The following KCNIP4 variants were observed in gnomAD, a reference collection of about 807,000 sequenced individuals.
KCNIP4 encodes potassium voltage-gated channel interacting protein 4.
KCNIP4 carries 12 observed loss-of-function variants against 34.0 expected under a neutral mutation model. The ratio of observed to expected loss-of-function variants is 0.35; its 90% CI spans 0.23 to 0.57. The LOEUF is 0.57. Ranked by LOEUF, KCNIP4 falls within the 20% of genes least tolerant of loss-of-function variation. The pLI, the probability that KCNIP4 is intolerant of heterozygous loss-of-function variation, is 0.83. For missense variants in KCNIP4, 238 were observed against 311.7 expected, an observed-to-expected ratio of 0.76 and a Z score of 1.78; for synonymous variants, 124 against 102.2, an observed-to-expected ratio of 1.21 and a Z score of -1.29.
intron 1 of KCNIP4, among the ~76,000 whole-genome samples, chr4:20,938,844 T>A (rs1353070111): frequency 6.6e-6 from 1 of 152,212 alleles, no homozygotes; most frequent in East Asian, 1.9e-4. Context: ...CTCTGAAGAC[T>A]CCTGTCCTGA....
At chr4:20,760,447 T>G (rs192181075) in intron 3 of KCNIP4, among the ~76,000 whole-genome samples, 1 of 152,310 alleles carries the variant, frequency 6.6e-6, no homozygotes, top group Non-Finnish European at 1.5e-5. Flanking sequence ...CTTACTTTCT[T>G]TATTCCAGTG....
chr4:21,118,772 G>A (rs1327462868), intron 1 of KCNIP4, among the ~76,000 whole-genome samples: 3 of 151,982 alleles, frequency 2.0e-5, no homozygotes, highest in Admixed American at 6.6e-5. Context: ...CCCTTAAGAT[G>A]TGTGTAGGAA....
intron 3 of KCNIP4, among the ~76,000 whole-genome samples, chr4:20,814,179 A>G (rs1716105165): frequency 6.6e-6 from 1 of 152,198 alleles, no homozygotes. Context: ...GTCCCATCCC[A>G]GGAGAACTGA....
At chr4:21,400,504 C>A (rs1229276512) in intron 1 of KCNIP4, among the ~76,000 whole-genome samples, 2 of 106,564 alleles carry the variant, frequency 1.9e-5, no homozygotes, top group East Asian at 7.4e-4. Context: ...CCTCCCTTCC[C>A]CTCCCTTCCT....
chr4:21,528,753 A>G (rs1736304905), intron 1 of KCNIP4, among the ~76,000 whole-genome samples: 1 of 8,298 alleles, frequency 1.2e-4, no homozygotes, highest in African/African-American at 5.4e-4. Flanking sequence ...GAAAGAAAGA[A>G]AGAAAGAAAG....
At chr4:21,382,228 C>T (rs1347120002) in intron 1 of KCNIP4, among the ~76,000 whole-genome samples, 2 of 152,070 alleles carry the variant, frequency 1.3e-5, no homozygotes, top group Admixed American at 1.3e-4. Context: ...TATGGCAGGC[C>T]ATGAGCCCAG....
intron 1 of KCNIP4, among the ~76,000 whole-genome samples, chr4:21,190,784 T>C (rs1165695643): frequency 2.0e-5 from 3 of 152,214 alleles, no homozygotes; most frequent in Non-Finnish European, 4.4e-5. Context: ...TTACATATTC[T>C]TCCACCTCTC....
chr4:21,871,957 G>T (rs1725847444), intron 1 of KCNIP4, among the ~76,000 whole-genome samples: 1 of 151,766 alleles, frequency 6.6e-6, no homozygotes, highest in Admixed American at 6.6e-5. Context: ...GCACCAATTG[G>T]AATAGTCCTG....
chr4:20,996,350 C>T (rs1190776856), intron 1 of KCNIP4, among the ~76,000 whole-genome samples: 1 of 152,168 alleles, frequency 6.6e-6, no homozygotes, highest in Non-Finnish European at 1.5e-5. Context: ...AATAGCTGTC[C>T]ATTATATTCG....
intron 1 of KCNIP4, among the ~76,000 whole-genome samples, chr4:20,883,525 A>G (rs554635830): frequency 5.9e-5 from 9 of 152,260 alleles, no homozygotes; most frequent in Admixed American, 1.3e-4. Context: ...GTCAGCATCA[A>G]TTTACCCACC....
At chr4:21,052,929 A>T (rs983214573) in intron 1 of KCNIP4, among the ~76,000 whole-genome samples, 1 of 151,976 alleles carries the variant, frequency 6.6e-6, no homozygotes, top group African/African-American at 2.4e-5. Flanking sequence ...TAAGAGAGAG[A>T]CAGAGGGGGA....
intron 1 of KCNIP4, among the ~76,000 whole-genome samples, chr4:20,975,733 T>A (rs1407539691): frequency 6.6e-6 from 1 of 152,194 alleles, no homozygotes. Flanking sequence ...GTTCCCTTTA[T>A]TGCCAACTCT....
chr4:21,873,754 T>G (rs1725939832), intron 1 of KCNIP4, among the ~76,000 whole-genome samples: 3 of 152,208 alleles, frequency 2.0e-5, no homozygotes, highest in African/African-American at 7.2e-5. Flanking sequence ...TGAAGTGAAT[T>G]CTGTAAACAG....
chr4:21,187,310 T>A (rs538025022), intron 1 of KCNIP4, among the ~76,000 whole-genome samples: 1 of 152,244 alleles, frequency 6.6e-6, no homozygotes, highest in African/African-American at 2.4e-5. Flanking sequence ...AGGAAGTTAA[T>A]CATGTGTGAC....
Position 21,935,908 on chromosome 4 carries a change from A to G in KCNIP4, c.61+12663T>C, listed in dbSNP as rs148642550. ...CGCAACTTAACATAGATTTGAGTAC[A>G]TTTTCATAGAAAGATAGTAGAAAAT... On this transcript the variant is annotated intron_variant, in intron 1 of 8. Transcript: ENST00000382152. 5.4e-3 allele frequency among the ~76,000 whole-genome samples: 820 copies of G among 151,950 alleles called. 4 individuals carry two copies. Among genetic ancestry groups the G allele is most frequent in the African/African-American group, 0.019 (790 of 41,456 alleles).
rs542253521 is a variant in KCNIP4, at chr4:21,368,270, G to A, written c.62-485561C>T. Among the ~76,000 whole-genome samples, 8 of 146,504 alleles carry A rather than the reference G, an allele frequency of 5.5e-5. No individual in the cohort carries two copies. In the East Asian group the frequency reaches 1.0e-3, roughly 18 times the overall value. ...CACACACACACACAATAAATATGACGTTAGTTTGACAATACTGACTACACT... is the reference window on the plus strand; with the variant it reads ...CACACACACACACAATAAATATGACATTAGTTTGACAATACTGACTACACT... On this transcript the variant is annotated intron_variant, in intron 1 of 8. Transcript: ENST00000382152.
chr4:20,963,560 T>G (rs1560605254), intron 1 of KCNIP4, among the ~76,000 whole-genome samples: 1 of 150,882 alleles, frequency 6.6e-6, no homozygotes, highest in African/African-American at 2.4e-5. Flanking sequence ...TACTATGGAT[T>G]AAAAAAAAAG....
chr4:20,731,258 T>C (rs1748110459), intron 8 of KCNIP4: 1 of 342,780 alleles, frequency 2.9e-6, no homozygotes, highest in African/African-American at 2.2e-5. Flanking sequence ...TTTGTAGAGA[T>C]AGATAGGGTC....
chr4:21,108,928 C>T (rs1171605516), intron 1 of KCNIP4, among the ~76,000 whole-genome samples: 10 of 152,160 alleles, frequency 6.6e-5, no homozygotes, highest in South Asian at 2.1e-4. Context: ...TCGTGAACCA[C>T]GAATGCTGCT....
Sources: allele counts gnomAD v4.1 joint callset (sites outside exome capture counted in the v4.1 genomes callset), GRCh38; gene constraint gnomAD v4.1.1; transcripts MANE v1.5; gene names NCBI Gene and HGNC (gene_info 2026-07-23, HGNC 2026-07-21).